The following DOCK8 variants were observed in gnomAD, a reference collection of about 807,000 sequenced individuals.
The protein encoded by DOCK8 is dedicator of cytokinesis 8.
DOCK8 carries 141 observed loss-of-function variants against 245.6 expected under a neutral mutation model. The observed-to-expected ratio is 0.57, with a 90% confidence interval of 0.50 to 0.66. DOCK8 has a LOEUF of 0.66. Among genes scored for constraint, DOCK8 ranks in the 30% least tolerant of loss-of-function variants. The pLI, the probability that DOCK8 is intolerant of heterozygous loss-of-function variation, is 0.00. For missense variants in DOCK8, 2,965 were observed against 2,603.4 expected (o/e 1.14, Z -3.02); for synonymous variants, 1,168 against 970.2 (o/e 1.20, Z -3.79).
At chr9:272,009 T>C (rs981237344) in intron 2 of DOCK8, among the ~76,000 whole-genome samples, 9 of 152,174 alleles carry the variant, frequency 5.9e-5, no homozygotes, top group Non-Finnish European at 1.2e-4. Flanking sequence ...TTATGGTTCA[T>C]ATTTGGGGGA....
intron 1 of DOCK8, among the ~76,000 whole-genome samples, chr9:249,749 C>G (rs1458778101): frequency 6.6e-6 from 1 of 151,628 alleles, no homozygotes. Context: ...TGCCAAGTAA[C>G]TGGGATTACA....
intron 1 of DOCK8, among the ~76,000 whole-genome samples, chr9:242,988 G>C (rs569018668): frequency 6.6e-6 from 1 of 152,220 alleles, no homozygotes; most frequent in South Asian, 2.1e-4. Flanking sequence ...GATTTTAAGA[G>C]TTTTTTCTAT....
intron 7 of DOCK8, among the ~76,000 whole-genome samples, chr9:324,425 G>A (rs1411361824): frequency 6.6e-6 from 1 of 152,104 alleles, no homozygotes; most frequent in African/African-American, 2.4e-5. Flanking sequence ...AAAGCCATGG[G>A]ACATCAAGCT....
intron 26 of DOCK8, among the ~76,000 whole-genome samples, chr9:399,548 A>C (rs2054640947): frequency 6.6e-6 from 1 of 152,186 alleles, no homozygotes; most frequent in African/African-American, 2.4e-5. Flanking sequence ...GACATTCAAC[A>C]GAAAATTAAC....
intron 4 of DOCK8, among the ~76,000 whole-genome samples, chr9:291,597 C>T (rs1422148499): frequency 1.3e-5 from 2 of 151,862 alleles, no homozygotes; most frequent in East Asian, 1.9e-4. Context: ...TTTATTTAAC[C>T]AATTTTAATA....
At chr9:315,648 G>C (rs1408263665) in intron 6 of DOCK8, among the ~76,000 whole-genome samples, 3 of 152,174 alleles carry the variant, frequency 2.0e-5, no homozygotes, top group Non-Finnish European at 2.9e-5. Flanking sequence ...ATGTAATCCA[G>C]TATTGAGCGA....
At chr9:370,207 A>G in intron 15 of DOCK8, 23 bp from the exon 16 acceptor site, 1 of 1,602,662 alleles carries the variant, frequency 6.2e-7, no homozygotes, top group South Asian at 1.1e-5. Flanking sequence ...TGATAATTTG[A>G]TCCTTTCTCT....
chr9:306,467 A>G (rs73639048), intron 5 of DOCK8, among the ~76,000 whole-genome samples: 3,332 of 152,308 alleles, frequency 0.022, 53 homozygotes, highest in African/African-American at 0.036. Flanking sequence ...GATAGAAGCC[A>G]CGGTAGGTAT....
intron 24 of DOCK8, among the ~76,000 whole-genome samples, chr9:392,660 A>AT (rs201977922): frequency 0.035 from 5,240 of 151,646 alleles, 120 homozygotes; most frequent in African/African-American, 0.042. Flanking sequence ...CAACACCAGA[A>AT]TTTTTTTTTC....
At chr9:362,626 C>T (rs994569209) in intron 14 of DOCK8, among the ~76,000 whole-genome samples, 2 of 152,186 alleles carry the variant, frequency 1.3e-5, no homozygotes, top group African/African-American at 4.8e-5. Flanking sequence ...CTCCTGCTGG[C>T]TGACCTAGAA....
chr9:388,799 C>T (rs977652513), intron 23 of DOCK8, among the ~76,000 whole-genome samples: 7 of 72,024 alleles, frequency 9.7e-5, no homozygotes, highest in Non-Finnish European at 2.0e-4. Flanking sequence ...AAGTAATCTG[C>T]CTCCTCGGCC....
intron 14 of DOCK8, among the ~76,000 whole-genome samples, chr9:354,104 G>C (rs1397003552): frequency 6.6e-6 from 1 of 152,242 alleles, no homozygotes; most frequent in Admixed American, 6.5e-5. Context: ...GGCCAAGGCA[G>C]GTGGATCACC....
intron 2 of DOCK8, among the ~76,000 whole-genome samples, chr9:279,679 T>C (rs1265995906): frequency 2.0e-5 from 3 of 152,200 alleles, no homozygotes; most frequent in Non-Finnish European, 4.4e-5. Flanking sequence ...CAAAAACCAT[T>C]GAATTTGGCA....
chr9:241,401 C>G (rs1216866071), intron 1 of DOCK8, among the ~76,000 whole-genome samples: 1 of 152,146 alleles, frequency 6.6e-6, no homozygotes, highest in Non-Finnish European at 1.5e-5. Context: ...CCTTCCTGGC[C>G]TCCAGTAAAC....
chr9:330,526 G>C (rs1458491164), intron 9 of DOCK8, among the ~76,000 whole-genome samples: 2 of 152,258 alleles, frequency 1.3e-5, no homozygotes, highest in South Asian at 2.1e-4. Flanking sequence ...AGCAAGTTTA[G>C]TCTGTCAGTC....
chr9:394,192 A>G (rs1021387037), intron 24 of DOCK8, among the ~76,000 whole-genome samples: 1 of 152,156 alleles, frequency 6.6e-6, no homozygotes, highest in South Asian at 2.1e-4. Flanking sequence ...CCAAAGGTTA[A>G]GGGGGCCTGA....
At position 372,433 on chromosome 9, in the gene DOCK8, T is replaced by C. The variant is rs182165266; in HGVS notation, c.2109+147T>C. On this transcript the variant is annotated intron_variant, in intron 18 of 47. Coordinates refer to ENST00000432829, the MANE Select transcript of DOCK8 (RefSeq NM_203447.4). ...GTTCTGATAGGATGGGAGGAATAACTGACTGTGAAACCTCATTCTTTTAAA... is the reference window on the plus strand; with the variant it reads ...GTTCTGATAGGATGGGAGGAATAACCGACTGTGAAACCTCATTCTTTTAAA... 5.7e-5 allele frequency: 42 copies of C among 737,064 alleles called. No individual in the cohort carries two copies. In the African/African-American group the frequency reaches 6.9e-4, roughly 12 times the overall value. The allele number at this position is 737,064 out of a possible 1,614,324, so 45.7% of individuals were successfully genotyped here.
At chr9:322,521 G>A (rs1183854704) in intron 7 of DOCK8, among the ~76,000 whole-genome samples, 3 of 152,206 alleles carry the variant, frequency 2.0e-5, no homozygotes, top group Non-Finnish European at 2.9e-5. Flanking sequence ...TTATTCCCTG[G>A]GAACCTTGCT....
At chr9:400,776 C>CCAT (rs2054937437) in intron 26 of DOCK8, among the ~76,000 whole-genome samples, 1 of 125,230 alleles carries the variant, frequency 8.0e-6, no homozygotes. Context: ...TCCACCACCA[C>CCAT]CACCACCTCC....
Sources: allele counts gnomAD v4.1 joint callset (sites outside exome capture counted in the v4.1 genomes callset), GRCh38; gene constraint gnomAD v4.1.1; transcripts MANE v1.5; gene names NCBI Gene and HGNC (gene_info 2026-07-23, HGNC 2026-07-21).